The following S100PBP variants were observed in gnomAD, a reference collection of about 807,000 sequenced individuals.
S100PBP encodes the protein S100P-binding protein.
In S100PBP, 15 loss-of-function variants were observed where a neutral mutation model predicts 39.9. The observed-to-expected ratio is 0.38, with a 90% CI of 0.25 to 0.58. The LOEUF (loss-of-function observed/expected upper bound fraction) is 0.58, where lower values mean the gene tolerates loss of function less well. Ranked by LOEUF, S100PBP falls within the 20% of genes least tolerant of loss-of-function variation. The pLI, the probability that S100PBP is intolerant of heterozygous loss-of-function variation, is 0.70. For missense variants in S100PBP, 504 were observed against 487.3 expected, an observed-to-expected ratio of 1.03 and a Z score of -0.32; for synonymous variants, 178 against 180.3, an observed-to-expected ratio of 0.99 and a Z score of 0.10.
intron 5 of S100PBP, among the ~76,000 whole-genome samples, chr1:32,838,221 CT>C (rs915542129): frequency 7.3e-5 from 11 of 151,290 alleles, no homozygotes; most frequent in African/African-American, 2.4e-4. Context: ...GTAGTCTCAG[CT>C]ACTCGAGAGG....
At chr1:32,848,057 C>T (rs1640455465) in intron 5 of S100PBP, among the ~76,000 whole-genome samples, 1 of 152,120 alleles carries the variant, frequency 6.6e-6, no homozygotes, top group African/African-American at 2.4e-5. Context: ...ACCTGTAATC[C>T]CAGCACTTTG....
rs373922966 is a variant in S100PBP at position 32,854,681 on chromosome 1, A to G, written c.1113-1243A>G. Among the ~76,000 whole-genome samples the G allele has an allele frequency of 3.9e-5, 6 of 152,314 alleles. No homozygotes were observed. In the East Asian group the frequency reaches 9.6e-4, roughly 24 times the overall value. The stretch of plus-strand genomic sequence containing the variant: ...TTAAAGCATAAATCACATTTGCTCA[A>G]TATTTCCCAGTGGCTTCCCATCTCA... On this transcript the variant is annotated intron_variant, in intron 6 of 6. Coordinates refer to ENST00000373475, the MANE Select transcript of S100PBP (RefSeq NM_022753.4).
intron 1 of S100PBP, among the ~76,000 whole-genome samples, chr1:32,820,144 C>CTTTTTTTTT (rs5773387): frequency 1.4e-4 from 15 of 104,798 alleles, no homozygotes; most frequent in Non-Finnish European, 2.3e-4. Flanking sequence ...CGTTCCTATG[C>CTTTTTTTTT]TTTTTTTTTT....
rs1373010186 is a variant in S100PBP at position 32,842,234 on chromosome 1, TATACACACACACAC to T, written c.1025-10843_1025-10830del. Among the ~76,000 whole-genome samples the T allele has an allele frequency of 3.2e-4, 29 of 91,922 alleles. 1 individual carries two copies. Among genetic ancestry groups the T allele is most frequent in the East Asian group, 3.0e-3 (10 of 3,334 alleles). The allele number at this position is 91,922 out of a possible 152,430, so 60.3% of individuals were successfully genotyped here. On this transcript the variant is annotated intron_variant, in intron 5 of 6. Coordinates refer to ENST00000373475, the MANE Select transcript of S100PBP (RefSeq NM_022753.4). Reference sequence around the variant, plus strand: ...ATATATATATATGTATATATATATATATACACACACACACACACACACACACACACACACACGTG... The same window carrying T: ...ATATATATATATGTATATATATATATACACACACACACACACACACACGTG...
intron 5 of S100PBP, among the ~76,000 whole-genome samples, chr1:32,839,011 GCT>G (rs1204185696): frequency 3.3e-5 from 5 of 151,932 alleles, no homozygotes; most frequent in Non-Finnish European, 7.4e-5. Context: ...CCCAGGTTAG[GCT>G]CAAACACCTA....
rs1324887268 is a variant in S100PBP, at chr1:32,842,201, A to C, written c.1025-10878A>C. ...GTCTCAAAAAAAAAAAAAAAAAAAAAAACATATATATATATATATGTATAT... is the reference window on the plus strand; with the variant it reads ...GTCTCAAAAAAAAAAAAAAAAAAAACAACATATATATATATATATGTATAT... On this transcript the variant is annotated intron_variant, in intron 5 of 6. Coordinates refer to ENST00000373475, the MANE Select transcript of S100PBP (RefSeq NM_022753.4). 9.2e-4 allele frequency among the ~76,000 whole-genome samples: 91 copies of C among 99,214 alleles called. 1 individual carries two copies. The highest frequency in any genetic ancestry group is 3.5e-3 in the African/African-American group (87 of 24,816). 65.1% of individuals were successfully genotyped at this position (99,214 alleles called of 152,430 possible).
rs146790751 is a variant in S100PBP at position 32,837,689 on chromosome 1, C to G, written c.1024+7622C>G. On this transcript the variant is annotated intron_variant, in intron 5 of 6. Transcript: ENST00000373475. ...TCCCCAGGCAAGATTGACCACTGATCTAGTGTCTACTGCAGTTAGTTTGCA... is the reference window on the plus strand; with the variant it reads ...TCCCCAGGCAAGATTGACCACTGATGTAGTGTCTACTGCAGTTAGTTTGCA... 6.6e-3 allele frequency among the ~76,000 whole-genome samples: 1,002 copies of G among 151,650 alleles called. 3 individuals carry two copies. The highest frequency in any genetic ancestry group is 0.01 in the Non-Finnish European group (696 of 67,926).
chr1:32,843,448 C>T (rs1012364470), intron 5 of S100PBP, among the ~76,000 whole-genome samples: 2 of 151,934 alleles, frequency 1.3e-5, no homozygotes, highest in Non-Finnish European at 2.9e-5. Flanking sequence ...GCATGAGCCA[C>T]CACACCCGGC....
At chr1:32,834,543 T>C (rs1239478371) in intron 5 of S100PBP, among the ~76,000 whole-genome samples, 1 of 152,186 alleles carries the variant, frequency 6.6e-6, no homozygotes, top group East Asian at 1.9e-4. Flanking sequence ...CTAGGTGCTA[T>C]TGTGTATTCA....
chr1:32,857,868 T>C lies in S100PBP; in HGVS notation c.*1830T>C, dbSNP rs896648525. 3.9e-5 allele frequency: 6 copies of C among 152,262 alleles called. No homozygotes were observed. The highest frequency in any genetic ancestry group is 5.9e-5 in the Non-Finnish European group (4 of 68,048). 9.4% of individuals were successfully genotyped at this position (152,262 alleles called of 1,614,324 possible). A position where few individuals can be genotyped will look rare whatever the true frequency, so the allele number is the denominator to read the frequency against. On this transcript the variant is annotated 3_prime_UTR_variant, in exon 7 of 7. Transcript: ENST00000373475. ...TAGGTGAATGTCCCTAAGTGTTTAC[T>C]GTTTTTATCCAGTCAAGGATTTGCT...
intron 1 of S100PBP, among the ~76,000 whole-genome samples, chr1:32,820,965 G>T (rs1185962577): frequency 6.6e-6 from 1 of 152,094 alleles, no homozygotes; most frequent in East Asian, 1.9e-4. Context: ...ACAAACCTGA[G>T]ACCCTGTCTC....
chr1:32,845,813 G>A (rs1174211830), intron 5 of S100PBP, among the ~76,000 whole-genome samples: 1 of 151,724 alleles, frequency 6.6e-6, no homozygotes, highest in Non-Finnish European at 1.5e-5. Flanking sequence ...AAGTAGCTGG[G>A]ACTACAGGTG....
intron 5 of S100PBP, among the ~76,000 whole-genome samples, chr1:32,846,161 G>T (rs1006677508): frequency 1.3e-5 from 2 of 150,974 alleles, no homozygotes; most frequent in Non-Finnish European, 2.9e-5. Context: ...GGCTTATTTT[G>T]TAGTTTTTTA....
At chr1:32,819,946 T>C (rs2148627735) in intron 1 of S100PBP, among the ~76,000 whole-genome samples, 1 of 152,308 alleles carries the variant, frequency 6.6e-6, no homozygotes, top group East Asian at 1.9e-4. Context: ...CCAGTACCTC[T>C]ATAAAGGATA....
chr1:32,845,318 T>C (rs1044951757), intron 5 of S100PBP, among the ~76,000 whole-genome samples: 1 of 152,112 alleles, frequency 6.6e-6, no homozygotes, highest in African/African-American at 2.4e-5. Context: ...TGGCACATAC[T>C]TGTAGTCCCA....
At chr1:32,820,860 T>G (rs1453042416) in intron 1 of S100PBP, among the ~76,000 whole-genome samples, 1 of 151,918 alleles carries the variant, frequency 6.6e-6, no homozygotes, top group Admixed American at 6.6e-5. Flanking sequence ...AATAAAAAAT[T>G]AGCTGTGTAT....
At chr1:32,824,160 C>T (rs1427853380) in intron 1 of S100PBP, among the ~76,000 whole-genome samples, 4 of 149,304 alleles carry the variant, frequency 2.7e-5, no homozygotes, top group East Asian at 4.0e-4. Flanking sequence ...ATCGCAAGAT[C>T]GTGCCACTGC....
chr1:32,830,754 G>C (rs1021934492), intron 5 of S100PBP, among the ~76,000 whole-genome samples: 1 of 152,118 alleles, frequency 6.6e-6, no homozygotes, highest in Non-Finnish European at 1.5e-5. Context: ...TTATTAAAAA[G>C]ATCACTCCAG....
At chr1:32,854,904 G>A (rs1404947723) in intron 6 of S100PBP, among the ~76,000 whole-genome samples, 1 of 152,182 alleles carries the variant, frequency 6.6e-6, no homozygotes, top group Non-Finnish European at 1.5e-5. Context: ...GGAGTCAGAT[G>A]TGAATTCAAA....
Sources: allele counts gnomAD v4.1 joint callset (sites outside exome capture counted in the v4.1 genomes callset), GRCh38; gene constraint gnomAD v4.1.1; transcripts MANE v1.5; gene names NCBI Gene and HGNC (gene_info 2026-07-23, HGNC 2026-07-21).